Variants in USP34 observed in about 807,000 individuals in gnomAD.
USP34 encodes ubiquitin specific peptidase 34, also known as ubiquitin carboxyl-terminal hydrolase 34.
USP34 carries 70 observed loss-of-function variants against 460.3 expected under a neutral mutation model. The observed-to-expected ratio is 0.15, with a 90% CI of 0.13 to 0.19. The LOEUF (loss-of-function observed/expected upper bound fraction) is 0.19, where lower values mean the gene tolerates loss of function less well. Among genes scored for constraint, USP34 ranks in the 10% least tolerant of loss-of-function variants. The probability of loss-of-function intolerance (pLI) is 1.00; values close to 1 mark genes in which losing one functional copy is unlikely to be tolerated. For missense variants in USP34, 3,985 were observed against 4,236.2 expected (o/e 0.94, Z 1.65); for synonymous variants, 1,647 against 1,405.3 (o/e 1.17, Z -3.85).
At chr2:61,311,169 G>T (rs1214881888) in intron 27 of USP34, among the ~76,000 whole-genome samples, 1 of 152,166 alleles carries the variant, frequency 6.6e-6, no homozygotes, top group African/African-American at 2.4e-5. Context: ...GGTTTTAGAT[G>T]TGGGGTCTTT....
In USP34 at chr2:61,403,918, G is replaced by A. The variant is rs996742013; in HGVS notation, c.552+1790C>T. Among the ~76,000 whole-genome samples the A allele has an allele frequency of 5.4e-5, 8 of 147,362 alleles. 1 individual carries two copies. In the East Asian group the frequency reaches 8.2e-4, roughly 15 times the overall value. ...TGAGGCAGGAGAATGACGTGAACCCGGGAGGCGGAGCTTGCAGTGAGCCGA... is the reference window on the plus strand; with the variant it reads ...TGAGGCAGGAGAATGACGTGAACCCAGGAGGCGGAGCTTGCAGTGAGCCGA... On this transcript the variant is annotated intron_variant, in intron 3 of 79. Coordinates refer to ENST00000398571, the MANE Select transcript of USP34 (RefSeq NM_014709.4).
Position 61,246,314 on chromosome 2 carries a change from TAA to T in USP34, c.6548+8_6548+9del. On this transcript the variant is annotated splice_region_variant and intron_variant, in intron 50 of 79. Transcript: ENST00000398571. ...ATTGTTAAAGAAGTTTTGAAATATTTAAAACTCACCATTTATTGTTTTTATAA... is the reference window on the plus strand; with the variant it reads ...ATTGTTAAAGAAGTTTTGAAATATTTAACTCACCATTTATTGTTTTTATAA... 3 of 1,530,268 alleles carry T rather than the reference TAA, an allele frequency of 2.0e-6. No homozygotes were observed. Among genetic ancestry groups the T allele is most frequent in the Middle Eastern group, 1.9e-4 (1 of 5,336 alleles). The allele number at this position is 1,530,268 out of a possible 1,614,324, so 94.8% of individuals were successfully genotyped here. A position where few individuals can be genotyped will look rare whatever the true frequency, so the allele number is the denominator to read the frequency against.
At chr2:61,343,762 A>T in intron 16 of USP34, 53 bp downstream of exon 16, 1 of 1,558,326 alleles carries the variant, frequency 6.4e-7, no homozygotes, top group Non-Finnish European at 8.8e-7. Flanking sequence ...AAGTAAGATA[A>T]ATTATTCCTG....
At chr2:61,402,027 G>A (rs535192724) in intron 3 of USP34, among the ~76,000 whole-genome samples, 5 of 151,824 alleles carry the variant, frequency 3.3e-5, no homozygotes, top group Non-Finnish European at 7.4e-5. Flanking sequence ...AAGGCAGGAG[G>A]ATCACCTGAG....
intron 2 of USP34, among the ~76,000 whole-genome samples, chr2:61,413,873 G>A (rs1216562758): frequency 6.7e-6 from 1 of 150,372 alleles, no homozygotes; most frequent in Non-Finnish European, 1.5e-5. Context: ...GGAGGCTGCA[G>A]TGAGCCAAGA....
intron 50 of USP34, among the ~76,000 whole-genome samples, chr2:61,245,594 G>C (rs892269842): frequency 6.6e-6 from 1 of 151,672 alleles, no homozygotes; most frequent in Non-Finnish European, 1.5e-5. Flanking sequence ...AAGAGATTGG[G>C]AGAACTTTCA....
At chr2:61,190,799 T>A (rs1686617829) in intron 76 of USP34, 141 bp from the exon 77 acceptor site, 6 of 1,011,660 alleles carry the variant, frequency 5.9e-6, no homozygotes, top group Non-Finnish European at 8.3e-6. Flanking sequence ...AAGCCATGTC[T>A]AACTCACCTA....
At chr2:61,413,839 G>A (rs986546728) in intron 2 of USP34, among the ~76,000 whole-genome samples, 3 of 144,718 alleles carry the variant, frequency 2.1e-5, no homozygotes, top group Admixed American at 7.0e-5. Flanking sequence ...GCTGAGGCAG[G>A]AGAATTGCCT....
At chr2:61,297,024 G>GT in intron 29 of USP34, 99 bp from the exon 30 acceptor site, 2 of 1,430,620 alleles carry the variant, frequency 1.4e-6, no homozygotes, top group Non-Finnish European at 1.9e-6. Context: ...TTTGCTAATA[G>GT]TTTTTAGCCT....
At chr2:61,267,533 C>T (rs1456906304) in intron 41 of USP34, among the ~76,000 whole-genome samples, 2 of 151,752 alleles carry the variant, frequency 1.3e-5, no homozygotes, top group African/African-American at 4.8e-5. Flanking sequence ...ACCACCGCTG[C>T]CCAGGTTCGA....
chr2:61,217,006 G>A (rs764556886), intron 67 of USP34, among the ~76,000 whole-genome samples: 8 of 150,312 alleles, frequency 5.3e-5, no homozygotes, highest in African/African-American at 1.5e-4. Context: ...GACACATAAG[G>A]TTGGAAAAGC....
intron 58 of USP34, 21 bp downstream of exon 58, chr2:61,232,431 T>A (rs773302360): frequency 6.4e-7 from 1 of 1,572,226 alleles, no homozygotes; most frequent in Non-Finnish European, 8.7e-7. Flanking sequence ...AATAATTTTT[T>A]TCAAACATAT....
intron 61 of USP34, 69 bp from the exon 62 acceptor site, chr2:61,227,287 G>C (rs541420896): frequency 6.6e-7 from 1 of 1,517,518 alleles, no homozygotes; most frequent in Middle Eastern, 1.8e-4. Flanking sequence ...CAAATGACTT[G>C]TTTTATGTAA....
chr2:61,220,590 C>T lies in USP34; in HGVS notation c.7900-133G>A, dbSNP rs993471373. The T allele has an allele frequency of 9.2e-6, 8 of 871,236 alleles. No individual in the cohort carries two copies. The African/African-American group carries it at 1.2e-4, about 13-fold the overall frequency. 54.0% of individuals were successfully genotyped at this position (871,236 alleles called of 1,614,324 possible). A position where few individuals can be genotyped will look rare whatever the true frequency, so the allele number is the denominator to read the frequency against. On this transcript the variant is annotated intron_variant, in intron 66 of 79. Coordinates refer to ENST00000398571, the MANE Select transcript of USP34 (RefSeq NM_014709.4). ...CAATTAGAGATTAAAAAGGTTTCAC[C>T]CTATTTTTTTCCCATTTTTAAAGCT... is the stretch of plus-strand genomic sequence containing the variant.
intron 1 of USP34, among the ~76,000 whole-genome samples, chr2:61,450,787 T>A (rs536202671): frequency 6.6e-6 from 1 of 151,554 alleles, no homozygotes; most frequent in Non-Finnish European, 1.5e-5. Flanking sequence ...GAAGATACAT[T>A]ATTTCCTTTC....
chr2:61,452,902 A>G (rs1168437386), intron 1 of USP34, among the ~76,000 whole-genome samples: 1 of 68,370 alleles, frequency 1.5e-5, no homozygotes, highest in African/African-American at 6.4e-5. Context: ...CCCACCCCAC[A>G]ACCAAAAAAA....
In USP34 at chr2:61,345,610, A is replaced by G. The variant is rs114908389; in HGVS notation, c.2286-1581T>C. On this transcript the variant is annotated intron_variant, in intron 15 of 79. Transcript: ENST00000398571. Reference sequence around the variant, plus strand: ...TTAGTTAGCCCAGGAAATCCTCACAATAAAACCATGAGATAGATACTATTG... The same window carrying G: ...TTAGTTAGCCCAGGAAATCCTCACAGTAAAACCATGAGATAGATACTATTG... 3.1e-3 allele frequency among the ~76,000 whole-genome samples: 477 copies of G among 152,340 alleles called. 4 individuals are homozygous for G. Among genetic ancestry groups the G allele is most frequent in the African/African-American group, 0.011 (446 of 41,578 alleles).
At chr2:61,406,719 T>G (rs1314187146) in intron 2 of USP34, among the ~76,000 whole-genome samples, 1 of 137,706 alleles carries the variant, frequency 7.3e-6, no homozygotes, top group African/African-American at 2.7e-5. Flanking sequence ...AAAAAAAAAA[T>G]ATTGGCCAGG....
chr2:61,221,617 C>T lies in USP34; in HGVS notation c.7795-11G>A. 1 of 1,612,596 alleles carries T rather than the reference C, an allele frequency of 6.2e-7. No individual in the cohort carries two copies. The highest frequency in any genetic ancestry group is 8.5e-7 in the Non-Finnish European group (1 of 1,179,000). On this transcript the variant is annotated splice_polypyrimidine_tract_variant and intron_variant, in intron 65 of 79. Coordinates refer to ENST00000398571, the MANE Select transcript of USP34 (RefSeq NM_014709.4). ...GAAAGGATTGGCTGCCTGTAAAACA[C>T]ATACATGACTGTGTATTTAGATCAA...
Sources: allele counts gnomAD v4.1 joint callset (sites outside exome capture counted in the v4.1 genomes callset), GRCh38; gene constraint gnomAD v4.1.1; transcripts MANE v1.5; gene names NCBI Gene and HGNC (gene_info 2026-07-23, HGNC 2026-07-21).